CHD6: variants seen among roughly 807,000 people sequenced by gnomAD.
CHD6 encodes chromodomain helicase DNA binding protein 6, also known as ATP-dependent chromatin remodeler CHD6.
A neutral mutation model predicts 276.9 loss-of-function variants in CHD6; 50 were observed. That is an observed-to-expected ratio of 0.18 (90% confidence interval 0.14 to 0.23). The LOEUF (loss-of-function observed/expected upper bound fraction) is 0.23. Ranked by LOEUF, CHD6 falls within the 10% of genes least tolerant of loss-of-function variation. The pLI, the probability that CHD6 is intolerant of heterozygous loss-of-function variation, is 1.00. For synonymous variants in CHD6, 1,173 were observed against 1,229.3 expected (o/e 0.95, Z 0.96); for missense variants, 2,564 against 3,365.8 (o/e 0.76, Z 5.89).
intron 1 of CHD6, among the ~76,000 whole-genome samples, chr20:41,552,007 T>A (rs143969813): frequency 9.3e-4 from 142 of 152,274 alleles, no homozygotes; most frequent in Middle Eastern, 3.4e-3. Context: ...GAACTTCTCA[T>A]AAATGACTTG....
chr20:41,534,730 T>C (rs540532528), intron 2 of CHD6, among the ~76,000 whole-genome samples: 48 of 152,288 alleles, frequency 3.2e-4, no homozygotes, highest in African/African-American at 1.1e-3. Flanking sequence ...GATGATCTCA[T>C]TGCTGATTGA....
chr20:41,566,298 T>C (rs763606504), intron 1 of CHD6, among the ~76,000 whole-genome samples: 3 of 152,106 alleles, frequency 2.0e-5, no homozygotes, highest in Non-Finnish European at 2.9e-5. Flanking sequence ...TAGTACTTAT[T>C]AGAGAGTAGG....
At chr20:41,525,638 G>A (rs2044513037) in intron 3 of CHD6, among the ~76,000 whole-genome samples, 1 of 152,164 alleles carries the variant, frequency 6.6e-6, no homozygotes, top group Non-Finnish European at 1.5e-5. Flanking sequence ...AATGAAAGCA[G>A]GCTGCGTGTA....
chr20:41,536,517 C>T (rs2044833808), intron 2 of CHD6, among the ~76,000 whole-genome samples: 1 of 152,168 alleles, frequency 6.6e-6, no homozygotes, highest in Non-Finnish European at 1.5e-5. Flanking sequence ...ATGGACAAAC[C>T]TTTAACAATT....
At chr20:41,511,576 C>T (rs2044120033) in intron 5 of CHD6, among the ~76,000 whole-genome samples, 1 of 152,172 alleles carries the variant, frequency 6.6e-6, no homozygotes, top group African/African-American at 2.4e-5. Flanking sequence ...CCTCCTATCC[C>T]TTGTCCAATC....
Position 41,412,100 on chromosome 20 carries a change from G to A in CHD6, c.7251+44C>T, listed in dbSNP as rs200181939. 6.2e-6 allele frequency: 10 copies of A among 1,609,364 alleles called. No homozygotes were observed. The East Asian group carries it at 1.8e-4, about 29-fold the overall frequency. On this transcript the variant is annotated intron_variant, in intron 36 of 36. Transcript: ENST00000373233. ...AAGTATGTAAGGCACGGCTCAACCA[G>A]GATGCTCCTCCTGGCCCCACACTCA...
chr20:41,437,295 T>C lies in CHD6; in HGVS notation c.4047A>G (p.Val1349=). 2 of 1,613,734 alleles carry C rather than the reference T, an allele frequency of 1.2e-6. No homozygotes were observed. Among genetic ancestry groups the C allele is most frequent in the South Asian group, 2.2e-5 (2 of 91,060 alleles). Reference sequence around the variant, plus strand: ...TCACCGTTTGTTTCTGGAGGCCATCTACTTTGTCCTCAGCATTGTCTTCTT... The same window carrying C: ...TCACCGTTTGTTTCTGGAGGCCATCCACTTTGTCCTCAGCATTGTCTTCTT... ...TDKEDNAEDK[V]DGLQKQTESS... Residue 1349 remains valine (V), a synonymous_variant, in exon 27 of 37, where the codon GTA becomes GTG. Coordinates refer to ENST00000373233, the MANE Select transcript of CHD6 (RefSeq NM_032221.5).
intron 16 of CHD6, among the ~76,000 whole-genome samples, chr20:41,479,429 A>G (rs2043243873): frequency 6.6e-6 from 1 of 152,186 alleles, no homozygotes; most frequent in Non-Finnish European, 1.5e-5. Flanking sequence ...AAATTAATGT[A>G]TTGCACACAG....
chr20:41,441,456 C>G (rs1025797923), intron 25 of CHD6, among the ~76,000 whole-genome samples: 25 of 152,190 alleles, frequency 1.6e-4, no homozygotes, highest in Non-Finnish European at 2.9e-4. Context: ...TCTCCACCTG[C>G]TTCTCATGAA....
At chr20:41,498,339 A>C in intron 6 of CHD6, 113 bp from the exon 7 acceptor site, 1 of 781,318 alleles carries the variant, frequency 1.3e-6, no homozygotes, top group East Asian at 2.8e-5. Flanking sequence ...AGATTTCTTA[A>C]GGCATATTTT....
At chr20:41,470,565 A>G (rs1186246591) in intron 17 of CHD6, among the ~76,000 whole-genome samples, 1 of 152,096 alleles carries the variant, frequency 6.6e-6, no homozygotes, top group Non-Finnish European at 1.5e-5. Flanking sequence ...ACACTATCCA[A>G]TTTCAGTTTG....
chr20:41,556,252 G>A (rs1336199712), intron 1 of CHD6, among the ~76,000 whole-genome samples: 1 of 151,878 alleles, frequency 6.6e-6, no homozygotes, highest in African/African-American at 2.4e-5. Context: ...GAAAGAGGGA[G>A]AGGGAGAGGG....
chr20:41,604,044 C>T lies in CHD6; in HGVS notation c.-24+14296G>A, dbSNP rs553823393. On this transcript the variant is annotated intron_variant, in intron 1 of 36. Transcript: ENST00000373233. ...GTGGGGGTGGGTAGGTAGGGGGTGT[C>T]AGGGAGAACAGGGGCTGCTAAAGAA... Among the ~76,000 whole-genome samples the T allele has an allele frequency of 2.0e-5, 3 of 151,470 alleles. No individual in the cohort carries two copies. In the South Asian group the frequency reaches 6.3e-4, roughly 32 times the overall value.
intron 1 of CHD6, among the ~76,000 whole-genome samples, chr20:41,570,052 T>C (rs1601152716): frequency 6.6e-6 from 1 of 152,178 alleles, no homozygotes; most frequent in South Asian, 2.1e-4. Flanking sequence ...GATGACCAGT[T>C]TGGAGTACAA....
chr20:41,414,997 G>A (rs2046949097), intron 34 of CHD6, 189 bp downstream of exon 34: 26 of 1,424,612 alleles, frequency 1.8e-5, no homozygotes, highest in Non-Finnish European at 2.3e-5. Context: ...AGCAGATTAA[G>A]CGCCATTAAT....
At chr20:41,561,803 ATT>A (rs1412648680) in intron 1 of CHD6, among the ~76,000 whole-genome samples, 1 of 152,136 alleles carries the variant, frequency 6.6e-6, no homozygotes, top group Admixed American at 6.5e-5. Flanking sequence ...TCCACCACTT[ATT>A]TTGAAGAATC....
intron 36 of CHD6, among the ~76,000 whole-genome samples, chr20:41,411,071 C>T (rs1448451074): frequency 2.3e-4 from 35 of 151,888 alleles, no homozygotes; most frequent in Admixed American, 2.3e-3. Context: ...TTTTCTGAGA[C>T]TAAAGCAAGA....
intron 3 of CHD6, among the ~76,000 whole-genome samples, chr20:41,531,412 A>T (rs1403938599): frequency 1.3e-5 from 2 of 152,266 alleles, no homozygotes; most frequent in East Asian, 3.9e-4. Flanking sequence ...TATTATCCCA[A>T]AGTACCACTT....
chr20:41,461,699 G>A (rs2048553854), intron 17 of CHD6: 1 of 152,412 alleles, frequency 6.6e-6, no homozygotes, highest in Non-Finnish European at 1.5e-5. Flanking sequence ...AATACATCCT[G>A]GTTTACCAAG....
Sources: gnomAD v4.1 joint callset for allele counts (sites outside exome capture counted in the v4.1 genomes callset) on GRCh38, gnomAD v4.1.1 for gene constraint, MANE v1.5 for transcripts, NCBI Gene and HGNC (gene_info 2026-07-23, HGNC 2026-07-21) for gene names.